Variants in SH3RF3 observed in about 807,000 individuals in gnomAD.
SH3RF3 encodes the protein SH3 domain containing ring finger 3.
SH3RF3 carries 29 observed loss-of-function variants against 66.3 expected under a neutral mutation model. The observed-to-expected ratio is 0.44, with a 90% CI of 0.33 to 0.60. The LOEUF (loss-of-function observed/expected upper bound fraction) is 0.60, where lower values mean the gene tolerates loss of function less well. Ranked by LOEUF, SH3RF3 falls within the 20% of genes least tolerant of loss-of-function variation. The pLI is 0.04. For synonymous variants in SH3RF3, 583 were observed against 532.0 expected (o/e 1.10, Z -1.32); for missense variants, 1,194 against 1,190.9 (o/e 1.00, Z -0.04).
intron 7 of SH3RF3, among the ~76,000 whole-genome samples, chr2:109,438,370 C>T (rs1677470087): frequency 1.3e-5 from 2 of 152,170 alleles, no homozygotes; most frequent in Non-Finnish European, 2.9e-5. Context: ...CAATGTCTGG[C>T]ACCATCAGTG....
At chr2:109,438,638 T>C (rs573862088) in intron 7 of SH3RF3, among the ~76,000 whole-genome samples, 2 of 152,306 alleles carry the variant, frequency 1.3e-5, no homozygotes, top group African/African-American at 4.8e-5. Context: ...GCAGCAATAT[T>C]ACCTGGTGCC....
chr2:109,423,241 G>A (rs1371486943), intron 5 of SH3RF3, among the ~76,000 whole-genome samples: 1 of 152,112 alleles, frequency 6.6e-6, no homozygotes, highest in African/African-American at 2.4e-5. Flanking sequence ...GGGAATCGTG[G>A]CCAGCGGTTT....
intron 1 of SH3RF3, among the ~76,000 whole-genome samples, chr2:109,211,009 T>A (rs1448627837): frequency 1.3e-5 from 2 of 152,220 alleles, no homozygotes; most frequent in African/African-American, 4.8e-5. Flanking sequence ...TCCTTCTTCC[T>A]CCTGGCACAC....
chr2:109,198,794 T>C (rs984522804), intron 1 of SH3RF3, among the ~76,000 whole-genome samples: 3 of 152,224 alleles, frequency 2.0e-5, no homozygotes, highest in African/African-American at 7.2e-5. Context: ...AAGTACAGCC[T>C]TTGACATACC....
intron 9 of SH3RF3, among the ~76,000 whole-genome samples, chr2:109,492,779 C>G (rs1416597929): frequency 3.9e-5 from 6 of 152,086 alleles, no homozygotes; most frequent in Non-Finnish European, 7.4e-5. Context: ...GTCAGCAGCA[C>G]CCCCAGTCCT....
chr2:109,170,081 C>T (rs1196357041), intron 1 of SH3RF3, among the ~76,000 whole-genome samples: 2 of 152,166 alleles, frequency 1.3e-5, no homozygotes, highest in African/African-American at 4.8e-5. Flanking sequence ...AACACTTTGC[C>T]AGAAACTATA....
chr2:109,365,683 G>A (rs982986977), intron 2 of SH3RF3, among the ~76,000 whole-genome samples: 6 of 152,146 alleles, frequency 3.9e-5, no homozygotes, highest in African/African-American at 1.4e-4. Context: ...AAAAGCCACA[G>A]ACACTGTTTT....
intron 1 of SH3RF3, among the ~76,000 whole-genome samples, chr2:109,317,342 G>A (rs1315070697): frequency 2.0e-5 from 3 of 152,086 alleles, no homozygotes; most frequent in Non-Finnish European, 4.4e-5. Flanking sequence ...TGGGCAGGTG[G>A]GCAGGTGCCG....
intron 1 of SH3RF3, among the ~76,000 whole-genome samples, chr2:109,346,962 AC>A (rs1315324917): frequency 6.6e-6 from 1 of 151,782 alleles, no homozygotes; most frequent in Admixed American, 6.6e-5. Context: ...GCTTGTTAGA[AC>A]CCCTGCTCCT....
At chr2:109,477,303 C>T (rs760084778) in intron 8 of SH3RF3, among the ~76,000 whole-genome samples, 6 of 152,200 alleles carry the variant, frequency 3.9e-5, no homozygotes, top group Non-Finnish European at 4.4e-5. Flanking sequence ...ACAGCCTTCA[C>T]GCCCAAAGAC....
At position 109,185,268 on chromosome 2, in the gene SH3RF3, T is replaced by A. The variant is rs968270922; in HGVS notation, c.573+55155T>A. ...GGGACATGTTATCAGGTAAGGCATC[T>A]TTCCTAATCGATGTGAATAAAATCC... On this transcript the variant is annotated intron_variant, in intron 1 of 9. Coordinates refer to ENST00000309415, the MANE Select transcript of SH3RF3 (RefSeq NM_001099289.3). Among the ~76,000 whole-genome samples the A allele has an allele frequency of 2.6e-5, 4 of 152,244 alleles. No homozygotes were observed. In the East Asian group the frequency reaches 7.7e-4, roughly 29 times the overall value.
chr2:109,397,937 G>A (rs115657722), intron 3 of SH3RF3, among the ~76,000 whole-genome samples: 3,925 of 152,322 alleles, frequency 0.026, 174 homozygotes, highest in African/African-American at 0.083. Flanking sequence ...GTGGGAAGGA[G>A]TCGTGTCCTG....
At chr2:109,154,136 G>C (rs1324489572) in intron 1 of SH3RF3, among the ~76,000 whole-genome samples, 1 of 152,164 alleles carries the variant, frequency 6.6e-6, no homozygotes, top group Non-Finnish European at 1.5e-5. Context: ...CTGGTTTCTA[G>C]AGCTTTGTCT....
chr2:109,329,419 A>G lies in SH3RF3; in HGVS notation c.574-18255A>G, dbSNP rs149105919. On this transcript the variant is annotated intron_variant, in intron 1 of 9. Transcript: ENST00000309415. ...CCTGCAGGTGGGGTTATTCACCAAG[A>G]CTTTTTCAATGAGATGTAAATCAGT... Among the ~76,000 whole-genome samples the G allele has an allele frequency of 1.8e-4, 27 of 152,318 alleles. No homozygotes were observed. The East Asian group carries it at 4.6e-3, about 26-fold the overall frequency.
At chr2:109,277,534 C>T (rs549876378) in intron 1 of SH3RF3, among the ~76,000 whole-genome samples, 3 of 152,272 alleles carry the variant, frequency 2.0e-5, no homozygotes, top group African/African-American at 4.8e-5. Context: ...AAGTGACAGG[C>T]GCTGGTCCGT....
At chr2:109,362,590 G>A (rs904983275) in intron 2 of SH3RF3, among the ~76,000 whole-genome samples, 1 of 152,082 alleles carries the variant, frequency 6.6e-6, no homozygotes, top group Non-Finnish European at 1.5e-5. Flanking sequence ...GTAGATTGAT[G>A]GTGCCATTAA....
rs150399271 is a variant in SH3RF3, at chr2:109,321,360, A to G, written c.574-26314A>G. On this transcript the variant is annotated intron_variant, in intron 1 of 9. Transcript: ENST00000309415. The stretch of plus-strand genomic sequence containing the variant: ...GCCTCTTCCATACCAGAACGTCATC[A>G]TTCATTGCCAAAGCCTATGTGGATT... Among the ~76,000 whole-genome samples the G allele has an allele frequency of 2.0e-5, 3 of 152,380 alleles. No individual in the cohort carries two copies. In the East Asian group the frequency reaches 5.8e-4, roughly 29 times the overall value.
At chr2:109,347,488 C>G (rs57699027) in intron 1 of SH3RF3, among the ~76,000 whole-genome samples, 186 bp from the exon 2 acceptor site, 31,383 of 151,802 alleles carry the variant, frequency 0.21, 3,702 homozygotes, top group African/African-American at 0.33. Context: ...ATCTCAGTGG[C>G]GCCTCAGAAT....
At chr2:109,211,998 T>C (rs1018932007) in intron 1 of SH3RF3, among the ~76,000 whole-genome samples, 1 of 152,228 alleles carries the variant, frequency 6.6e-6, no homozygotes, top group Non-Finnish European at 1.5e-5. Context: ...TGCCACTGAA[T>C]TCAATAAATG....
Sources: allele counts gnomAD v4.1 joint callset (sites outside exome capture counted in the v4.1 genomes callset), GRCh38; gene constraint gnomAD v4.1.1; transcripts MANE v1.5; gene names NCBI Gene and HGNC (gene_info 2026-07-23, HGNC 2026-07-21).